The following PAXBP1 variants were observed in gnomAD, a reference collection of about 807,000 sequenced individuals.
The protein encoded by PAXBP1 is PAX3- and PAX7-binding protein 1.
In PAXBP1, 44 loss-of-function variants were observed where a neutral mutation model predicts 119.9. The ratio of observed to expected loss-of-function variants is 0.37; its 90% confidence interval spans 0.29 to 0.47. PAXBP1 has a LOEUF of 0.47. Ranked by LOEUF, PAXBP1 falls within the 20% of genes least tolerant of loss-of-function variation. PAXBP1 has a pLI of 0.99. For missense variants in PAXBP1, 898 were observed against 1,134.1 expected (o/e 0.79, Z 2.99); for synonymous variants, 393 against 406.6 (o/e 0.97, Z 0.40).
At position 32,734,741 on chromosome 21, in the gene PAXBP1, G is replaced by A. The variant is rs531999511; in HGVS notation, c.*209C>T. On this transcript the variant is annotated 3_prime_UTR_variant, in exon 18 of 18. Transcript: ENST00000331923. ...ATACTTCAGTAAACAAAGTATGACA[G>A]GCAGTAAAGAAAACATTCATAGACT... 2.2e-3 allele frequency: 1,290 copies of A among 574,990 alleles called. 21 individuals are homozygous for A. The highest frequency in any genetic ancestry group is 0.011 in the South Asian group (510 of 47,490). 35.6% of individuals were successfully genotyped at this position (574,990 alleles called of 1,614,324 possible).
chr21:32,770,676 C>T (rs982118730), intron 1 of PAXBP1, among the ~76,000 whole-genome samples: 3 of 152,202 alleles, frequency 2.0e-5, no homozygotes, highest in African/African-American at 7.2e-5. Flanking sequence ...GCAGCCTGGC[C>T]TCCCACAGGA....
intron 13 of PAXBP1, among the ~76,000 whole-genome samples, chr21:32,744,272 A>AG (rs1190971751): frequency 2.4e-4 from 36 of 151,602 alleles, no homozygotes; most frequent in African/African-American, 8.7e-4. Flanking sequence ...AAAAAAAAAA[A>AG]AAAAGAAAAA....
At position 32,744,860 on chromosome 21, in the gene PAXBP1, C is replaced by A. The variant is rs1569156817; in HGVS notation, c.2122G>T (p.Val708Leu). The A allele has an allele frequency of 1.2e-6, 2 of 1,606,838 alleles. No homozygotes were observed. The highest frequency in any genetic ancestry group is 1.7e-5 in the Admixed American group (1 of 59,016). ...TTGATTAATTTTAGTGTAATTCCCA[C>A]CATTCTTGAAGTCTGTGTTGTAGAA... is the stretch of plus-strand genomic sequence containing the variant. The part of the protein sequence containing the change: ...PFSTTQTSRM[V>L]GITLKLINGY... Residue 708 changes from valine to leucine, a missense_variant, in exon 13 of 18, where the codon GTG becomes TTG. Val to Leu is a conservative substitution (Grantham distance 32). Around this residue, in one of 2 missense-constraint regions of PAXBP1, gnomAD observed 599 missense variants for 852.7 expected, o/e 0.70. Transcript: ENST00000331923.
intron 5 of PAXBP1, 149 bp downstream of exon 5, chr21:32,760,910 T>A: frequency 3.3e-6 from 2 of 604,540 alleles, no homozygotes; most frequent in Non-Finnish European, 5.8e-6. Context: ...TGCGTGTGTG[T>A]GTGTGTGTGT....
At chr21:32,742,247 T>C (rs1241494886) in intron 15 of PAXBP1, 2 of 151,722 alleles carry the variant, frequency 1.3e-5, no homozygotes, top group Non-Finnish European at 2.9e-5. Flanking sequence ...TTATACCTTT[T>C]ATTTTTTTTT....
At chr21:32,744,964 T>A (rs751069083) in intron 12 of PAXBP1, 51 bp from the exon 13 acceptor site, 2 of 1,571,886 alleles carry the variant, frequency 1.3e-6, no homozygotes, top group Non-Finnish European at 1.7e-6. Context: ...GTACCTTTAA[T>A]TTTTTGTCAA....
chr21:32,745,860 G>C, intron 11 of PAXBP1, 142 bp from the exon 12 acceptor site: 1 of 978,306 alleles, frequency 1.0e-6, no homozygotes. Flanking sequence ...CATGCTACCA[G>C]ACTTCAAACT....
rs1009818719 is a variant in PAXBP1 at position 32,734,782 on chromosome 21, A to C, written c.*168T>G. 9.4e-6 allele frequency: 6 copies of C among 639,064 alleles called. No individual in the cohort carries two copies. The African/African-American group carries it at 1.1e-4, about 12-fold the overall frequency. 39.6% of individuals were successfully genotyped at this position (639,064 alleles called of 1,614,324 possible). A position where few individuals can be genotyped will look rare whatever the true frequency, so the allele number is the denominator to read the frequency against. On this transcript the variant is annotated 3_prime_UTR_variant, in exon 18 of 18. Transcript: ENST00000331923. The stretch of plus-strand genomic sequence containing the variant: ...TTCATAGACTCCTAGAAATAATCTG[A>C]ATTCCTTTCATTCTGAAGAAATATC...
chr21:32,745,665 A>G lies in PAXBP1; in HGVS notation c.1977T>C (p.Tyr659=), dbSNP rs2043861026. 2 of 1,614,082 alleles carry G rather than the reference A, an allele frequency of 1.2e-6. No homozygotes were observed. Among genetic ancestry groups the G allele is most frequent in the South Asian group, 1.1e-5 (1 of 91,084 alleles). The change falls in exon 12 of 18, where the codon TAT becomes TAC. Residue 659 remains tyrosine, a synonymous_variant. Transcript: ENST00000331923. The part of the protein sequence containing the change: ...NMLWFESLLF[Y]GCEEREQEKD... ...TTTCTTGCTCTCGTTCTTCACAACC[A>G]TAAAACAGCAAAGATTCAAACCACA...
At chr21:32,756,591 AATTT>A (rs934769149) in intron 7 of PAXBP1, 76 of 251,330 alleles carry the variant, frequency 3.0e-4, no homozygotes, top group African/African-American at 1.7e-3. Flanking sequence ...CTATCATTAA[AATTT>A]ATTATAATCT....
At chr21:32,737,455 T>A in intron 16 of PAXBP1, 47 bp from the exon 17 acceptor site, 1 of 1,511,820 alleles carries the variant, frequency 6.6e-7, no homozygotes, top group South Asian at 1.2e-5. Context: ...ACAGAATAAA[T>A]TAAAGTATTA....
In PAXBP1 at chr21:32,738,211, A is replaced by G; in HGVS notation, c.2443T>C (p.Ser815Pro). ...TTGATGCTGTCATCTCCATATTCTG[A>G]ATTCTGAAAAGCCATGAGAATATAT... is the stretch of plus-strand genomic sequence containing the variant. Reference protein sequence around the residue: ...NRYILMAFQNSEYGDDSIKKA... With the variant: ...NRYILMAFQNPEYGDDSIKKA... The change falls in exon 16 of 18, where the codon TCA becomes CCA. Residue 815 changes from serine to proline, a missense_variant. Ser to Pro is a moderately conservative substitution (Grantham distance 74). Around this residue, in one of 2 missense-constraint regions of PAXBP1, gnomAD observed 599 missense variants for 852.7 expected, o/e 0.70. Transcript: ENST00000331923. The G allele has an allele frequency of 6.3e-7, 1 of 1,598,798 alleles. No homozygotes were observed. The highest frequency in any genetic ancestry group is 8.5e-7 in the Non-Finnish European group (1 of 1,175,864).
chr21:32,754,211 A>G (rs939864809), intron 8 of PAXBP1, among the ~76,000 whole-genome samples: 3 of 152,192 alleles, frequency 2.0e-5, no homozygotes, highest in Admixed American at 2.0e-4. Flanking sequence ...TGTATAGCAA[A>G]GCATTGCTTT....
At position 32,745,636 on chromosome 21, in the gene PAXBP1, T is replaced by C; in HGVS notation, c.2006A>G (p.Asp669Gly). Residue 669 changes from aspartate to glycine, a missense_variant, in exon 12 of 18, where the codon GAT becomes GGT. Coordinates refer to ENST00000331923, the MANE Select transcript of PAXBP1 (RefSeq NM_016631.4). The stretch of plus-strand genomic sequence containing the variant: ...AGGTAGTAGGGCAACATCTACATCA[T>C]CTTTTTCTTGCTCTCGTTCTTCACA... Reference protein sequence around the residue: ...YGCEEREQEKDDVDVALLPTI... With the variant: ...YGCEEREQEKGDVDVALLPTI... 2 of 1,614,078 alleles carry C rather than the reference T, an allele frequency of 1.2e-6. No homozygotes were observed. Among genetic ancestry groups the C allele is most frequent in the Non-Finnish European group, 1.7e-6 (2 of 1,179,950 alleles).
In PAXBP1 at chr21:32,750,972, A is replaced by T. The variant is rs751270390; in HGVS notation, c.1668T>A (p.Leu556=). 1 of 1,614,086 alleles carries T rather than the reference A, an allele frequency of 6.2e-7. No individual in the cohort carries two copies. The highest frequency in any genetic ancestry group is 2.2e-5 in the East Asian group (1 of 44,874). Residue 556 remains leucine (L), a synonymous_variant, in exon 10 of 18, where the codon CTT becomes CTA. Transcript: ENST00000331923. ...TAGAAGTTTCTTCATCATCACTGGA[A>T]AGGCCTTCAAGGTGATCTGCCATCT... The part of the protein sequence containing the change: ...TGKMADHLEG[L]SSDDEETSTD...
At chr21:32,759,494 C>T in intron 6 of PAXBP1, 1 of 606,722 alleles carries the variant, frequency 1.6e-6, no homozygotes, top group Non-Finnish European at 2.8e-6. Context: ...TTTTGCTTTT[C>T]CCCCCATAGC....
chr21:32,745,647 C>T lies in PAXBP1; in HGVS notation c.1995G>A (p.Glu665=), dbSNP rs80293116. 3,252 of 1,613,978 alleles carry T rather than the reference C, an allele frequency of 2.0e-3. 61 individuals carry two copies. In the African/African-American group the frequency reaches 0.038, roughly 19 times the overall value. The change falls in exon 12 of 18, where the codon GAG becomes GAA. Residue 665 remains glutamate (E), a synonymous_variant. Coordinates refer to ENST00000331923, the MANE Select transcript of PAXBP1 (RefSeq NM_016631.4). ...CAACATCTACATCATCTTTTTCTTG[C>T]TCTCGTTCTTCACAACCATAAAACA... is the stretch of plus-strand genomic sequence containing the variant. ...SLLFYGCEER[E]QEKDDVDVAL... is the part of the protein sequence containing the mutation.
chr21:32,771,244 C>A lies in PAXBP1; in HGVS notation c.343+82G>T, dbSNP rs1364997804. 6 of 1,262,236 alleles carry A rather than the reference C, an allele frequency of 4.8e-6. No individual in the cohort carries two copies. In the African/African-American group the frequency reaches 6.3e-5, roughly 13 times the overall value. The allele number at this position is 1,262,236 out of a possible 1,614,324, so 78.2% of individuals were successfully genotyped here. ...TCCGTTCCAGGGCTCCGGGGCTGGG[C>A]GTCCAGAGAATACGGGGGCGGGGGA... On this transcript the variant is annotated intron_variant, in intron 1 of 17. Transcript: ENST00000331923.
At chr21:32,740,128 A>T (rs918107929) in intron 15 of PAXBP1, among the ~76,000 whole-genome samples, 6 of 152,036 alleles carry the variant, frequency 3.9e-5, no homozygotes, top group African/African-American at 1.4e-4. Context: ...CATTCTATTC[A>T]AAGTCATCTC....
Sources: gnomAD v4.1 joint callset for allele counts (sites outside exome capture counted in the v4.1 genomes callset) on GRCh38, gnomAD v4.1.1 for gene constraint, gnomAD v4.1.1 regional missense constraint, MANE v1.5 for transcripts, NCBI Gene and HGNC (gene_info 2026-07-23, HGNC 2026-07-21) for gene names.